Variants in EVL observed in about 807,000 individuals in gnomAD.
EVL encodes the protein Enah/Vasp-like, also known as ena/VASP-like protein.
In EVL, 21 loss-of-function variants were observed where a neutral mutation model predicts 59.6. The observed-to-expected ratio is 0.35, with a 90% CI of 0.25 to 0.51. The LOEUF (loss-of-function observed/expected upper bound fraction) is 0.51. Ranked by LOEUF, EVL falls within the 20% of genes least tolerant of loss-of-function variation. The probability of loss-of-function intolerance (pLI) is 0.97; values close to 1 mark genes in which losing one functional copy is unlikely to be tolerated. For synonymous variants in EVL, 198 were observed against 203.5 expected, an observed-to-expected ratio of 0.97 and a Z score of 0.23; for missense variants, 462 against 546.6, an observed-to-expected ratio of 0.85 and a Z score of 1.54.
At chr14:99,980,012 T>A (rs912874543) in intron 1 of EVL, among the ~76,000 whole-genome samples, 6 of 152,232 alleles carry the variant, frequency 3.9e-5, no homozygotes, top group African/African-American at 1.2e-4. Flanking sequence ...GTATTAGGTG[T>A]TATAAGTAAT....
intron 2 of EVL, 99 bp downstream of exon 2, chr14:100,084,954 A>T: frequency 7.4e-7 from 1 of 1,355,584 alleles, no homozygotes; most frequent in Non-Finnish European, 1.0e-6. Flanking sequence ...CAGAACAAAA[A>T]GGTCAATATT....
chr14:100,106,141 A>T (rs1353544964), intron 3 of EVL: 1 of 152,210 alleles, frequency 6.6e-6, no homozygotes, highest in East Asian at 1.9e-4. Context: ...ACAGGTGCAC[A>T]TTGCAATGTG....
At chr14:100,118,188 T>C (rs1887470819) in intron 3 of EVL, among the ~76,000 whole-genome samples, 1 of 152,174 alleles carries the variant, frequency 6.6e-6, no homozygotes, top group Non-Finnish European at 1.5e-5. Flanking sequence ...GGGCCACGCC[T>C]GACCGCCCGA....
In EVL at chr14:99,972,784, CT is replaced by C. The variant is rs936047691; in HGVS notation, c.5+733del. Among the ~76,000 whole-genome samples, 1 of 151,714 alleles carries C rather than the reference CT, an allele frequency of 6.6e-6. No individual in the cohort carries two copies. Among genetic ancestry groups the C allele is most frequent in the African/African-American group, 2.4e-5 (1 of 41,258 alleles). ...CCTTCCTCTCCAGATCCTGTCGTGA[CT>C]TTTTTGGGGTAATCACTTTTTTTTT... On this transcript the variant is annotated intron_variant, in intron 1 of 13. Coordinates refer to the EVL transcript ENST00000402714. The surrounding 1 kb of genome is among the most constrained non-coding windows in gnomAD (Gnocchi z 4.4).
chr14:100,064,845 G>A (rs891499678), upstream of EVL, among the ~76,000 whole-genome samples: 1 of 152,210 alleles, frequency 6.6e-6, no homozygotes, highest in East Asian at 1.9e-4. Context: ...AGGAAGCTGT[G>A]GTGGCGGTGA....
chr14:100,081,447 G>A (rs1236074610), intron 1 of EVL, among the ~76,000 whole-genome samples: 3 of 151,664 alleles, frequency 2.0e-5, no homozygotes, highest in Non-Finnish European at 4.4e-5. Flanking sequence ...CTATTCAAAG[G>A]GTGGGGGGAA....
chr14:99,981,664 A>G (rs2060807142), intron 1 of EVL, among the ~76,000 whole-genome samples: 1 of 152,228 alleles, frequency 6.6e-6, no homozygotes, highest in Non-Finnish European at 1.5e-5. Context: ...TTCCAAGTGC[A>G]TATAGAAGTT....
intron 2 of EVL, among the ~76,000 whole-genome samples, chr14:100,085,597 T>TA (rs751721641): frequency 6.6e-5 from 10 of 152,208 alleles, no homozygotes; most frequent in Admixed American, 1.3e-4. Flanking sequence ...TGAAAAAGTC[T>TA]ATATAAACAG....
chr14:100,069,138 A>C (rs571894593), intron 1 of EVL, among the ~76,000 whole-genome samples: 60 of 152,316 alleles, frequency 3.9e-4, no homozygotes, highest in Middle Eastern at 3.4e-3. Context: ...ATTGCCTGGC[A>C]ATACACATTT....
chr14:100,013,868 A>G (rs1387473846), intron 1 of EVL, among the ~76,000 whole-genome samples: 6 of 152,192 alleles, frequency 3.9e-5, no homozygotes, highest in Non-Finnish European at 8.8e-5. Flanking sequence ...GTAAAAAAGA[A>G]TGGTAGGTTT....
intron 1 of EVL, among the ~76,000 whole-genome samples, chr14:100,044,565 C>T (rs1278921390): frequency 6.6e-6 from 1 of 152,136 alleles, no homozygotes; most frequent in Non-Finnish European, 1.5e-5. Flanking sequence ...TCTGAGAGCT[C>T]ACAGCATAAA....
chr14:100,077,050 G>A (rs72711928), intron 1 of EVL, among the ~76,000 whole-genome samples: 2,714 of 152,300 alleles, frequency 0.018, 35 homozygotes, highest in Non-Finnish European at 0.027. Flanking sequence ...CAGAAGTTTT[G>A]TATGAGGTCA....
intron 1 of EVL, among the ~76,000 whole-genome samples, chr14:99,995,352 G>T (rs188955493): frequency 1.3e-5 from 2 of 152,176 alleles, no homozygotes; most frequent in African/African-American, 4.8e-5. Context: ...CTCTGACTCA[G>T]TAATTTCAAA....
chr14:100,040,048 G>A (rs2061444673), intron 1 of EVL, among the ~76,000 whole-genome samples: 1 of 152,114 alleles, frequency 6.6e-6, no homozygotes, highest in South Asian at 2.1e-4. Flanking sequence ...TCAAAGTGCT[G>A]GGCCTACAGG....
chr14:100,046,878 A>G (rs191280380), intron 1 of EVL, among the ~76,000 whole-genome samples: 1,951 of 148,090 alleles, frequency 0.013, 34 homozygotes, highest in African/African-American at 0.045. Context: ...TCAGCCTCCC[A>G]AGTAGCTGGG....
At chr14:100,125,051 C>A (rs1414399248) in intron 4 of EVL, among the ~76,000 whole-genome samples, 1 of 151,600 alleles carries the variant, frequency 6.6e-6, no homozygotes, top group Non-Finnish European at 1.5e-5. Flanking sequence ...TGGATAGACA[C>A]ACACACACAC....
intron 1 of EVL, among the ~76,000 whole-genome samples, chr14:99,997,380 G>C (rs941184195): frequency 7.9e-5 from 12 of 152,356 alleles, no homozygotes; most frequent in African/African-American, 2.6e-4. Context: ...CAACCATCCT[G>C]TACGTATTAG....
intron 1 of EVL, among the ~76,000 whole-genome samples, chr14:100,016,402 G>T (rs544723916): frequency 3.9e-5 from 6 of 152,120 alleles, no homozygotes; most frequent in Non-Finnish European, 8.8e-5. Context: ...GGCGGCACGT[G>T]CCTGTAATAC....
chr14:100,014,105 G>A (rs10142232), intron 1 of EVL, among the ~76,000 whole-genome samples: 1,643 of 152,050 alleles, frequency 0.011, 37 homozygotes, highest in African/African-American at 0.037. Context: ...ACCCTATTGT[G>A]CTATCAGATA....
Sources: gnomAD v4.1 joint callset for allele counts (sites outside exome capture counted in the v4.1 genomes callset) on GRCh38, gnomAD v4.1.1 for gene constraint, Gnocchi (gnomAD v3.1) non-coding constraint, MANE v1.5 for transcripts, NCBI Gene and HGNC (gene_info 2026-07-23, HGNC 2026-07-21) for gene names.